Variants in ADK observed in about 807,000 individuals in gnomAD.
ADK encodes N6,N6-dimethyladenosine kinase.
Under a neutral mutation model 44.7 loss-of-function variants are expected in ADK, and 24 were observed. The observed-to-expected ratio is 0.54, with a 90% CI of 0.39 to 0.76. ADK has a LOEUF of 0.76. Ranked by LOEUF, ADK falls within the 30% of genes least tolerant of loss-of-function variation. ADK has a pLI of 0.00. For missense variants in ADK, 321 were observed against 425.1 expected (o/e 0.76, Z 2.15); for synonymous variants, 128 against 142.6 (o/e 0.90, Z 0.73).
At chr10:74,695,817 TTTTGTAGA>T (rs997419419) in intron 10 of ADK, among the ~76,000 whole-genome samples, 4 of 152,048 alleles carry the variant, frequency 2.6e-5, no homozygotes, top group Non-Finnish European at 4.4e-5. Context: ...TTTCTGTATT[TTTTGTAGA>T]GCCGAGGTTT....
intron 6 of ADK, among the ~76,000 whole-genome samples, chr10:74,458,959 C>G (rs576272434): frequency 6.6e-6 from 1 of 152,078 alleles, no homozygotes; most frequent in African/African-American, 2.4e-5. Flanking sequence ...TGGTGAAAAG[C>G]AATTTTTCCT....
chr10:74,680,676 C>G (rs1226962843), intron 10 of ADK, among the ~76,000 whole-genome samples: 1 of 152,160 alleles, frequency 6.6e-6, no homozygotes, highest in Non-Finnish European at 1.5e-5. Flanking sequence ...TCATCAGACA[C>G]AGCATTTCAA....
At chr10:74,235,426 C>T (rs960932760) in intron 3 of ADK, among the ~76,000 whole-genome samples, 5 of 152,122 alleles carry the variant, frequency 3.3e-5, no homozygotes, top group Non-Finnish European at 5.9e-5. Context: ...ACCTCAGCCT[C>T]CTAAGTAGCT....
chr10:74,241,921 G>A (rs912792285), intron 3 of ADK, among the ~76,000 whole-genome samples: 1 of 152,218 alleles, frequency 6.6e-6, no homozygotes, highest in Admixed American at 6.5e-5. Context: ...CATACCTTTA[G>A]AAATTTCTGA....
intron 3 of ADK, among the ~76,000 whole-genome samples, chr10:74,229,218 G>T (rs1440675906): frequency 6.6e-6 from 1 of 152,052 alleles, no homozygotes; most frequent in Non-Finnish European, 1.5e-5. Context: ...TATGCAATAG[G>T]CATGAACCTT....
chr10:74,614,770 A>C (rs997208387), intron 9 of ADK, among the ~76,000 whole-genome samples: 1 of 151,146 alleles, frequency 6.6e-6, no homozygotes. Context: ...TCTCCAAGGA[A>C]CCCTGGTTCC....
intron 4 of ADK, among the ~76,000 whole-genome samples, chr10:74,376,969 T>A (rs905617561): frequency 3.3e-5 from 5 of 152,180 alleles, no homozygotes; most frequent in Non-Finnish European, 7.4e-5. Flanking sequence ...AAAGTGATGC[T>A]CCATCATTTC....
intron 10 of ADK, among the ~76,000 whole-genome samples, chr10:74,693,209 C>T (rs1206799133): frequency 2.0e-5 from 3 of 152,122 alleles, no homozygotes; most frequent in African/African-American, 7.2e-5. Context: ...CACCCACTAA[C>T]TAATGTAACA....
At chr10:74,477,969 T>C (rs1846919976) in intron 6 of ADK, among the ~76,000 whole-genome samples, 1 of 152,248 alleles carries the variant, frequency 6.6e-6, no homozygotes, top group Non-Finnish European at 1.5e-5. Context: ...TTCTAAATTT[T>C]GTCTCTTCAT....
intron 1 of ADK, 52 bp from the exon 2 acceptor site, chr10:74,200,712 A>G (rs72816389): frequency 0.021 from 24,781 of 1,205,942 alleles, 363 homozygotes; most frequent in Non-Finnish European, 0.027. Flanking sequence ...TACCTTTTAC[A>G]TATCAACTTA....
intron 3 of ADK, among the ~76,000 whole-genome samples, chr10:74,309,536 G>A (rs1266076392): frequency 1.3e-5 from 2 of 152,138 alleles, no homozygotes; most frequent in Non-Finnish European, 2.9e-5. Flanking sequence ...ACAGAACATA[G>A]TAAGAATTCA....
intron 2 of ADK, among the ~76,000 whole-genome samples, chr10:74,212,789 G>T (rs540959663): frequency 6.6e-6 from 1 of 152,082 alleles, no homozygotes; most frequent in Non-Finnish European, 1.5e-5. Flanking sequence ...AACCTGTTGC[G>T]AGATGATGAC....
chr10:74,693,966 G>C (rs1430032637), intron 10 of ADK, among the ~76,000 whole-genome samples: 2 of 151,960 alleles, frequency 1.3e-5, no homozygotes, highest in African/African-American at 4.8e-5. Flanking sequence ...ACTCTTGAAT[G>C]GTTGCTCTTA....
chr10:74,554,130 T>G (rs1333988716), intron 7 of ADK, among the ~76,000 whole-genome samples: 1 of 152,170 alleles, frequency 6.6e-6, no homozygotes, highest in African/African-American at 2.4e-5. Context: ...CTCATACTCT[T>G]TCTTGTGATA....
At chr10:74,351,042 A>G (rs911389836) in intron 4 of ADK, among the ~76,000 whole-genome samples, 2 of 152,212 alleles carry the variant, frequency 1.3e-5, no homozygotes, top group Admixed American at 1.3e-4. Flanking sequence ...TATTCCAAAC[A>G]ATTGAAAAAG....
intron 6 of ADK, among the ~76,000 whole-genome samples, chr10:74,449,451 C>CA (rs1204388219): frequency 6.6e-6 from 1 of 151,770 alleles, no homozygotes; most frequent in African/African-American, 2.4e-5. Flanking sequence ...GTTGTCACCT[C>CA]AAAAAAACCA....
chr10:74,220,854 T>C lies in ADK; in HGVS notation c.141-3684T>C, dbSNP rs1158124764. Among the ~76,000 whole-genome samples, 3 of 152,070 alleles carry C rather than the reference T, an allele frequency of 2.0e-5. No individual in the cohort carries two copies. In the East Asian group the frequency reaches 5.8e-4, roughly 29 times the overall value. On this transcript the variant is annotated intron_variant, in intron 2 of 10. Coordinates refer to ENST00000539909, the MANE Select transcript of ADK (RefSeq NM_006721.4). ...CTAAAAATTCTCAATAAATTAGGTA[T>C]TGATGGGACATATCTCAAAATAATA... is the stretch of plus-strand genomic sequence containing the variant.
intron 6 of ADK, among the ~76,000 whole-genome samples, chr10:74,475,263 C>T (rs896735514): frequency 6.6e-6 from 1 of 152,102 alleles, no homozygotes; most frequent in East Asian, 1.9e-4. Context: ...TACTCAAATT[C>T]GAGATTTAAC....
chr10:74,199,300 A>C (rs1349856843), intron 1 of ADK, among the ~76,000 whole-genome samples: 2 of 152,206 alleles, frequency 1.3e-5, no homozygotes, highest in Non-Finnish European at 2.9e-5. Flanking sequence ...AGTAGTGAAC[A>C]TAGTAACCAA....
Sources: gnomAD v4.1 joint callset for allele counts (sites outside exome capture counted in the v4.1 genomes callset) on GRCh38, gnomAD v4.1.1 for gene constraint, MANE v1.5 for transcripts, NCBI Gene and HGNC (gene_info 2026-07-23, HGNC 2026-07-21) for gene names.